NRG3: variants seen among roughly 807,000 people sequenced by gnomAD.
NRG3 encodes pro-neuregulin-3, membrane-bound isoform.
Under a neutral mutation model 66.9 loss-of-function variants are expected in NRG3, and 31 were observed. The ratio of observed to expected loss-of-function variants is 0.46; its 90% CI spans 0.35 to 0.63. The LOEUF is 0.63. NRG3 is among the 20% of genes least tolerant of loss of function. NRG3 has a pLI of 0.00. For synonymous variants in NRG3, 393 were observed against 359.4 expected (o/e 1.09, Z -1.06); for missense variants, 910 against 878.9 (o/e 1.04, Z -0.45).
chr10:82,001,103 C>T (rs1174563943), intron 1 of NRG3, among the ~76,000 whole-genome samples: 1 of 150,034 alleles, frequency 6.7e-6, no homozygotes, highest in Admixed American at 6.7e-5. Context: ...AGGCAAAGAT[C>T]ATGTTTTAAA....
At chr10:82,655,646 C>T (rs919176964) in intron 2 of NRG3, among the ~76,000 whole-genome samples, 1 of 152,142 alleles carries the variant, frequency 6.6e-6, no homozygotes, top group Admixed American at 6.5e-5. Flanking sequence ...ATCTATTTAT[C>T]CTACATATCT....
At chr10:82,169,826 G>A (rs2072423406) in intron 1 of NRG3, among the ~76,000 whole-genome samples, 1 of 151,178 alleles carries the variant, frequency 6.6e-6, no homozygotes, top group Admixed American at 6.6e-5. Flanking sequence ...TGTTTTTTCT[G>A]AGTCTATTGA....
rs1474986619 is a variant in NRG3 at position 82,686,679 on chromosome 10, C to T, written c.954-51898C>T. The stretch of plus-strand genomic sequence containing the variant: ...CGCAGTCTGTTGTTAACTAAAACGT[C>T]GTTATGCAGTGCATGAGTGTATTTG... On this transcript the variant is annotated intron_variant, in intron 2 of 8. Transcript: ENST00000372141. 2.6e-5 allele frequency among the ~76,000 whole-genome samples: 4 copies of T among 152,230 alleles called. No individual in the cohort carries two copies. The East Asian group carries it at 5.8e-4, about 22-fold the overall frequency.
chr10:82,085,267 G>A (rs2065649338), intron 1 of NRG3, among the ~76,000 whole-genome samples: 1 of 152,184 alleles, frequency 6.6e-6, no homozygotes, highest in Non-Finnish European at 1.5e-5. Context: ...AACAATGGAG[G>A]AGACCATAAT....
chr10:82,777,253 A>G (rs1348461447), intron 3 of NRG3, among the ~76,000 whole-genome samples: 1 of 152,024 alleles, frequency 6.6e-6, no homozygotes, highest in African/African-American at 2.4e-5. Context: ...GCGTAGTGGC[A>G]GGGTAAGTTG....
intron 2 of NRG3, among the ~76,000 whole-genome samples, chr10:82,698,547 A>T (rs1018401453): frequency 1.3e-5 from 2 of 152,212 alleles, no homozygotes; most frequent in Non-Finnish European, 2.9e-5. Context: ...AAGCCCTATT[A>T]AATAAATTAT....
At chr10:81,967,344 T>C (rs1265757745) in intron 1 of NRG3, among the ~76,000 whole-genome samples, 3 of 151,928 alleles carry the variant, frequency 2.0e-5, no homozygotes, top group South Asian at 2.1e-4. Flanking sequence ...AGGTTTTTTT[T>C]CTTTCATTGT....
At chr10:82,739,021 G>T (rs769231529) in intron 3 of NRG3, among the ~76,000 whole-genome samples, 2 of 152,118 alleles carry the variant, frequency 1.3e-5, no homozygotes, top group South Asian at 2.1e-4. Context: ...GTATTATACC[G>T]CTTCTTACGC....
intron 4 of NRG3, among the ~76,000 whole-genome samples, chr10:82,937,217 T>C (rs937842981): frequency 2.0e-5 from 3 of 152,202 alleles, no homozygotes; most frequent in African/African-American, 7.2e-5. Context: ...GGTAATAATA[T>C]AGTAGAAACC....
chr10:82,131,800 T>C (rs540412064), intron 1 of NRG3, among the ~76,000 whole-genome samples: 5 of 152,296 alleles, frequency 3.3e-5, no homozygotes, highest in African/African-American at 1.2e-4. Flanking sequence ...GTAGCTATTG[T>C]AAATGAGATT....
chr10:82,547,298 ATCT>A (rs1215623208), intron 2 of NRG3, among the ~76,000 whole-genome samples: 2 of 151,792 alleles, frequency 1.3e-5, no homozygotes, highest in Non-Finnish European at 2.9e-5. Context: ...GATACAGAAG[ATCT>A]TCTAGGTCTT....
At chr10:82,644,380 T>G (rs1243029573) in intron 2 of NRG3, among the ~76,000 whole-genome samples, 1 of 152,190 alleles carries the variant, frequency 6.6e-6, no homozygotes, top group Non-Finnish European at 1.5e-5. Flanking sequence ...TCCAAACCAC[T>G]GGTGATATCT....
chr10:82,880,880 G>C (rs1842242439), intron 4 of NRG3, among the ~76,000 whole-genome samples: 1 of 152,196 alleles, frequency 6.6e-6, no homozygotes, highest in African/African-American at 2.4e-5. Flanking sequence ...AACCCCTGCT[G>C]TAGGGCCATG....
chr10:82,410,193 G>A (rs1322742587), intron 2 of NRG3, among the ~76,000 whole-genome samples: 2 of 152,046 alleles, frequency 1.3e-5, no homozygotes, highest in Non-Finnish European at 2.9e-5. Flanking sequence ...ATGATTTGTG[G>A]TCATTAAGAA....
At chr10:82,779,881 A>AC (rs2060050585) in intron 3 of NRG3, among the ~76,000 whole-genome samples, 1 of 57,198 alleles carries the variant, frequency 1.7e-5, no homozygotes, top group Non-Finnish European at 3.7e-5. Context: ...CTAGCCCCCC[A>AC]CCCCCCGACA....
intron 2 of NRG3, among the ~76,000 whole-genome samples, chr10:82,447,502 T>G (rs1590165952): frequency 6.6e-6 from 1 of 152,332 alleles, no homozygotes; most frequent in Middle Eastern, 3.4e-3. Context: ...TCTCCAAAAT[T>G]TCACTCACAC....
intron 1 of NRG3, among the ~76,000 whole-genome samples, chr10:82,304,489 AT>A (rs2080594569): frequency 6.6e-6 from 1 of 152,044 alleles, no homozygotes; most frequent in African/African-American, 2.4e-5. Flanking sequence ...ATTTTGAAAT[AT>A]TTTTGTAGTT....
intron 1 of NRG3, among the ~76,000 whole-genome samples, chr10:82,250,962 C>T (rs1442754509): frequency 6.6e-6 from 1 of 152,214 alleles, no homozygotes; most frequent in Non-Finnish European, 1.5e-5. Flanking sequence ...TGACTGACAA[C>T]GTTCTGGCTT....
chr10:82,983,989 G>T (rs1853187927), intron 8 of NRG3, among the ~76,000 whole-genome samples: 1 of 152,168 alleles, frequency 6.6e-6, no homozygotes, highest in African/African-American at 2.4e-5. Context: ...GCAACACACT[G>T]CATTGCAATT....
Sources: allele counts gnomAD v4.1 joint callset (sites outside exome capture counted in the v4.1 genomes callset), GRCh38; gene constraint gnomAD v4.1.1; transcripts MANE v1.5; gene names NCBI Gene and HGNC (gene_info 2026-07-23, HGNC 2026-07-21).